Variants in FBN2 observed in about 807,000 individuals in gnomAD.
FBN2 encodes the protein fibrillin-2.
A neutral mutation model predicts 355.6 loss-of-function variants in FBN2; 105 were observed. The ratio of observed to expected loss-of-function variants is 0.30; its 90% CI spans 0.25 to 0.35. The LOEUF is 0.35. FBN2 is among the 10% of genes least tolerant of loss of function. FBN2 has a pLI of 1.00. For missense variants in FBN2, 3,280 were observed against 3,758.7 expected (o/e 0.87, Z 3.33); for synonymous variants, 1,350 against 1,301.2 (o/e 1.04, Z -0.81).
intron 7 of FBN2, among the ~76,000 whole-genome samples, chr5:128,430,305 T>C (rs1047665639): frequency 1.6e-4 from 24 of 152,134 alleles, no homozygotes; most frequent in African/African-American, 5.3e-4. Context: ...TTTCTGGATT[T>C]TGAACATAAA....
At chr5:128,512,512 C>CA (rs1158661549) in intron 5 of FBN2, among the ~76,000 whole-genome samples, 10,129 of 60,082 alleles carry the variant, frequency 0.17, 867 homozygotes, top group African/African-American at 0.24. Context: ...GAACCCGTCT[C>CA]AAAAAAAAAA....
chr5:128,432,791 C>CT (rs1753659577), intron 7 of FBN2, among the ~76,000 whole-genome samples: 1 of 152,002 alleles, frequency 6.6e-6, no homozygotes, highest in Non-Finnish European at 1.5e-5. Context: ...TTTCACACTG[C>CT]TATAAAGAGC....
chr5:128,536,772 A>G (rs776867143), intron 1 of FBN2, among the ~76,000 whole-genome samples: 6 of 152,116 alleles, frequency 3.9e-5, no homozygotes, highest in Non-Finnish European at 8.8e-5. Context: ...CTACTATTCT[A>G]GCTTCCAGAT....
intron 5 of FBN2, among the ~76,000 whole-genome samples, chr5:128,505,676 A>G (rs1017595957): frequency 5.3e-5 from 8 of 151,972 alleles, no homozygotes; most frequent in Non-Finnish European, 1.0e-4. Context: ...AAGTCGTCAT[A>G]GTAGTTTTAA....
chr5:128,446,285 T>A (rs1754061061), intron 7 of FBN2, 196 bp downstream of exon 7: 1 of 517,766 alleles, frequency 1.9e-6, no homozygotes, highest in Non-Finnish European at 3.5e-6. Flanking sequence ...ATGCAAATGC[T>A]CATTGACTCT....
At position 128,350,883 on chromosome 5, in the gene FBN2, C is replaced by T; in HGVS notation, c.2797G>A (p.Glu933Lys). ...TLGAAWGSPC[E>K]RCELDTACPR... ...AGGCTCCTACCTAGTTCACACCGCT[C>T]ACAGGGGCTCCCCCAGGCGGCTCCG... The change falls in exon 21 of 65, where the codon GAG becomes AAG. Residue 933 changes from glutamate to lysine, a missense_variant. Coordinates refer to ENST00000262464, the MANE Select transcript of FBN2 (RefSeq NM_001999.4). The T allele has an allele frequency of 6.2e-7, 1 of 1,614,176 alleles. No individual in the cohort carries two copies. Among genetic ancestry groups the T allele is most frequent in the African/African-American group, 1.3e-5 (1 of 75,050 alleles).
chr5:128,292,600 C>T (rs1320016551), intron 48 of FBN2, among the ~76,000 whole-genome samples: 7 of 152,038 alleles, frequency 4.6e-5, no homozygotes, highest in East Asian at 3.9e-4. Flanking sequence ...CCAACACCAC[C>T]GCCACCACCA....
rs1468519610 is a variant in FBN2, at chr5:128,350,872, T to C, written c.2808A>G (p.Glu936=). 1 of 1,614,126 alleles carries C rather than the reference T, an allele frequency of 6.2e-7. No homozygotes were observed. Residue 936 remains glutamate (E), a synonymous_variant, in exon 21 of 65, where the codon GAA becomes GAG. Coordinates refer to ENST00000262464, the MANE Select transcript of FBN2 (RefSeq NM_001999.4). The part of the protein sequence containing the change: ...AAWGSPCERC[E]LDTACPRGLA... ...AGCTCCCAATAAGGCTCCTACCTAGTTCACACCGCTCACAGGGGCTCCCCC... is the reference window on the plus strand; with the variant it reads ...AGCTCCCAATAAGGCTCCTACCTAGCTCACACCGCTCACAGGGGCTCCCCC...
intron 33 of FBN2, 45 bp from the exon 34 acceptor site, chr5:128,328,866 A>G (rs770284280): frequency 5.6e-6 from 9 of 1,609,226 alleles, no homozygotes; most frequent in Non-Finnish European, 6.8e-6. Flanking sequence ...TCCAAATTTC[A>G]TGACACATTT....
chr5:128,293,385 G>C (rs1263393546), intron 48 of FBN2, among the ~76,000 whole-genome samples: 1 of 152,044 alleles, frequency 6.6e-6, no homozygotes, highest in African/African-American at 2.4e-5. Context: ...CCAGCTACTT[G>C]GGAGGCTGAG....
chr5:128,458,804 A>C (rs565276756), intron 6 of FBN2, among the ~76,000 whole-genome samples: 1 of 152,090 alleles, frequency 6.6e-6, no homozygotes, highest in Non-Finnish European at 1.5e-5. Context: ...AAGCAGTGTT[A>C]AGAAGGAAAT....
chr5:128,346,390 A>G (rs1219840862), intron 23 of FBN2, among the ~76,000 whole-genome samples: 1 of 152,224 alleles, frequency 6.6e-6, no homozygotes, highest in Non-Finnish European at 1.5e-5. Context: ...CGGTTCCTTA[A>G]TCAAATAGCA....
intron 20 of FBN2, among the ~76,000 whole-genome samples, chr5:128,355,706 T>TA (rs755342832): frequency 1.3e-5 from 2 of 152,174 alleles, no homozygotes; most frequent in Non-Finnish European, 2.9e-5. Flanking sequence ...CTCTTTTTAA[T>TA]AAAAAAGTAC....
chr5:128,481,616 A>C (rs945879880), intron 5 of FBN2, among the ~76,000 whole-genome samples: 1 of 152,310 alleles, frequency 6.6e-6, no homozygotes, highest in African/African-American at 2.4e-5. Flanking sequence ...TGCTCAACTA[A>C]AATTTTAAAT....
At chr5:128,430,300 G>A (rs2127029406) in intron 7 of FBN2, among the ~76,000 whole-genome samples, 1 of 150,242 alleles carries the variant, frequency 6.7e-6, no homozygotes, top group South Asian at 2.1e-4. Flanking sequence ...TATAATTTCT[G>A]GATTTTGAAC....
intron 42 of FBN2, among the ~76,000 whole-genome samples, chr5:128,306,314 G>A (rs1749875731): frequency 6.6e-6 from 1 of 152,014 alleles, no homozygotes; most frequent in Admixed American, 6.6e-5. Flanking sequence ...TATTCATAAT[G>A]GAGACTTAAA....
At chr5:128,318,732 AT>A (rs1750284105) in intron 35 of FBN2, 146 bp downstream of exon 35, 1 of 666,936 alleles carries the variant, frequency 1.5e-6, no homozygotes, top group Admixed American at 2.7e-5. Flanking sequence ...TTACAAATAA[AT>A]GCATCTGAAT....
intron 64 of FBN2, 90 bp from the exon 65 acceptor site, chr5:128,259,919 G>A (rs115772552): frequency 1.0e-5 from 14 of 1,391,144 alleles, no homozygotes; most frequent in Middle Eastern, 1.9e-4. Flanking sequence ...CTTTGGTCAC[G>A]AGGACAGGCT....
At chr5:128,525,215 T>C (rs1008890046) in intron 4 of FBN2, among the ~76,000 whole-genome samples, 6 of 152,150 alleles carry the variant, frequency 3.9e-5, no homozygotes, top group African/African-American at 1.2e-4. Flanking sequence ...GTGATTCTAA[T>C]TTTCATTTTT....
Sources: gnomAD v4.1 joint callset for allele counts (sites outside exome capture counted in the v4.1 genomes callset) on GRCh38, gnomAD v4.1.1 for gene constraint, MANE v1.5 for transcripts, NCBI Gene and HGNC (gene_info 2026-07-23, HGNC 2026-07-21) for gene names.